The following CMSS1 variants were observed in gnomAD, a reference collection of about 807,000 sequenced individuals.
CMSS1 encodes the protein cms1 ribosomal small subunit homolog.
A neutral mutation model predicts 43.5 loss-of-function variants in CMSS1; 33 were observed. The ratio of observed to expected loss-of-function variants is 0.76; its 90% CI spans 0.57 to 1.01. The LOEUF is 1.01. Ranked by LOEUF, CMSS1 falls within the 50% of genes least tolerant of loss-of-function variation. The pLI is 0.00. For synonymous variants in CMSS1, 115 were observed against 117.2 expected, an observed-to-expected ratio of 0.98 and a Z score of 0.12; for missense variants, 313 against 326.4, an observed-to-expected ratio of 0.96 and a Z score of 0.32.
At chr3:99,864,329 A>G (rs572512158) in intron 1 of CMSS1, among the ~76,000 whole-genome samples, 1 of 152,316 alleles carries the variant, frequency 6.6e-6, no homozygotes, top group African/African-American at 2.4e-5. Context: ...AAGAGAAGGA[A>G]ACAAGCATAT....
chr3:99,820,625 A>C (rs1349618050), intron 1 of CMSS1, among the ~76,000 whole-genome samples: 2 of 152,224 alleles, frequency 1.3e-5, no homozygotes, highest in African/African-American at 4.8e-5. Context: ...AATTTGCCTA[A>C]TTGTAATCTG....
chr3:100,142,343 CTT>C (rs1468181836), intron 1 of CMSS1, among the ~76,000 whole-genome samples: 7 of 152,032 alleles, frequency 4.6e-5, no homozygotes, highest in Non-Finnish European at 1.0e-4. Context: ...ACTTTTTTCT[CTT>C]GTCATTATTC....
intron 1 of CMSS1, among the ~76,000 whole-genome samples, chr3:99,877,332 T>G (rs1396698730): frequency 1.3e-5 from 2 of 152,210 alleles, no homozygotes; most frequent in Non-Finnish European, 2.9e-5. Context: ...CAAACAAGAA[T>G]GACGAAAATA....
At chr3:99,912,472 G>A (rs1050707413) in intron 1 of CMSS1, among the ~76,000 whole-genome samples, 1 of 152,112 alleles carries the variant, frequency 6.6e-6, no homozygotes, top group African/African-American at 2.4e-5. Flanking sequence ...GACCTCCCTG[G>A]ACTCAGGTGA....
At chr3:100,176,540 T>G in intron 9 of CMSS1, 125 bp downstream of exon 9, 1 of 629,450 alleles carries the variant, frequency 1.6e-6, no homozygotes, top group Non-Finnish European at 2.8e-6. Flanking sequence ...TTTCTATCTT[T>G]TTTAACTCTG....
chr3:99,832,866 T>G (rs1275914119), intron 1 of CMSS1, among the ~76,000 whole-genome samples: 1 of 149,756 alleles, frequency 6.7e-6, no homozygotes, highest in Non-Finnish European at 1.5e-5. Flanking sequence ...AAGTTGTTTT[T>G]TTTTTTTTTC....
chr3:100,135,437 CATGTGTGTGTGT>C lies in CMSS1; in HGVS notation c.65-11535_65-11524del, dbSNP rs1242363430. On this transcript the variant is annotated intron_variant, in intron 1 of 9. Transcript: ENST00000421999. ...CCTGAGGAGCCTTTGTGTGTGTGTG[CATGTGTGTGTGT>C]GTGTGTGTGTGTGTGTGTGTGTGTG... is the stretch of plus-strand genomic sequence containing the variant. 4.0e-3 allele frequency among the ~76,000 whole-genome samples: 242 copies of C among 60,174 alleles called. 1 individual carries two copies. The highest frequency in any genetic ancestry group is 0.014 in the African/African-American group (219 of 16,000). 39.5% of individuals were successfully genotyped at this position (60,174 alleles called of 152,430 possible).
intron 1 of CMSS1, among the ~76,000 whole-genome samples, chr3:100,146,211 T>A (rs542089761): frequency 6.6e-6 from 1 of 152,392 alleles, no homozygotes; most frequent in Admixed American, 6.5e-5. Flanking sequence ...TCAGAAGAGC[T>A]TTATAAATAG....
intron 1 of CMSS1, chr3:99,931,108 G>C: frequency 8.3e-7 from 1 of 1,206,658 alleles, no homozygotes; most frequent in Non-Finnish European, 1.2e-6. Flanking sequence ...GCTTTAACAA[G>C]TCTACATTCT....
At chr3:99,827,613 TTTTAA>T (rs1333926914) in intron 1 of CMSS1, among the ~76,000 whole-genome samples, 2 of 152,344 alleles carry the variant, frequency 1.3e-5, no homozygotes, top group East Asian at 3.9e-4. Flanking sequence ...TTTTTTCTTT[TTTTAA>T]TTTGAGACGG....
intron 1 of CMSS1, among the ~76,000 whole-genome samples, chr3:99,941,272 T>C (rs1268907669): frequency 6.6e-6 from 1 of 152,208 alleles, no homozygotes; most frequent in African/African-American, 2.4e-5. Context: ...AGCTCACAGC[T>C]TATTATATTA....
At chr3:99,823,378 C>A (rs1236170897) in intron 1 of CMSS1, among the ~76,000 whole-genome samples, 3 of 152,128 alleles carry the variant, frequency 2.0e-5, no homozygotes, top group African/African-American at 7.2e-5. Flanking sequence ...AATTATTCTC[C>A]AAACCTGCTT....
chr3:100,019,218 C>G (rs1710433356), intron 1 of CMSS1, among the ~76,000 whole-genome samples: 1 of 152,074 alleles, frequency 6.6e-6, no homozygotes, highest in South Asian at 2.1e-4. Context: ...AAAAAGTAGC[C>G]TGGTATGGTG....
intron 1 of CMSS1, among the ~76,000 whole-genome samples, chr3:99,851,787 A>C (rs1943710129): frequency 6.6e-6 from 1 of 152,224 alleles, no homozygotes; most frequent in South Asian, 2.1e-4. Flanking sequence ...GTGCCAATTA[A>C]AACTTGGTTT....
chr3:99,846,209 C>T (rs576200930), intron 1 of CMSS1, among the ~76,000 whole-genome samples: 301 of 152,296 alleles, frequency 2.0e-3, no homozygotes, highest in Non-Finnish European at 2.7e-3. Context: ...GATGGGAATC[C>T]CTTGGCTGGT....
chr3:100,019,722 G>T (rs1179051597), intron 1 of CMSS1, among the ~76,000 whole-genome samples: 5 of 152,094 alleles, frequency 3.3e-5, no homozygotes, highest in African/African-American at 1.2e-4. Context: ...GTATGTTTGT[G>T]TAAGACTGCG....
chr3:100,103,793 T>A (rs941806624), intron 1 of CMSS1, among the ~76,000 whole-genome samples: 22 of 152,148 alleles, frequency 1.4e-4, no homozygotes, highest in African/African-American at 5.1e-4. Context: ...AATAACAAAT[T>A]GTTGCATTAA....
chr3:100,001,876 T>C (rs114673034), intron 1 of CMSS1, among the ~76,000 whole-genome samples: 1,828 of 152,270 alleles, frequency 0.012, 23 homozygotes, highest in African/African-American at 0.027. Flanking sequence ...TACCCTCCCC[T>C]AAGCTGCTCA....
At chr3:100,092,107 G>T (rs2066120447) in intron 1 of CMSS1, among the ~76,000 whole-genome samples, 1 of 152,264 alleles carries the variant, frequency 6.6e-6, no homozygotes, top group East Asian at 1.9e-4. Flanking sequence ...ACTCTGTAAA[G>T]AATTTAGAAA....
Sources: gnomAD v4.1 joint callset for allele counts (sites outside exome capture counted in the v4.1 genomes callset) on GRCh38, gnomAD v4.1.1 for gene constraint, MANE v1.5 for transcripts, NCBI Gene and HGNC (gene_info 2026-07-23, HGNC 2026-07-21) for gene names.